Variants in CNTN4 observed in about 807,000 individuals in gnomAD.
CNTN4 encodes contactin-4.
A neutral mutation model predicts 122.5 loss-of-function variants in CNTN4; 77 were observed. The observed-to-expected ratio is 0.63, with a 90% CI of 0.52 to 0.76. The LOEUF (loss-of-function observed/expected upper bound fraction) is 0.76. CNTN4 is among the 30% of genes least tolerant of loss of function. The probability of loss-of-function intolerance (pLI) is 0.00; values close to 1 mark genes in which losing one functional copy is unlikely to be tolerated. For missense variants in CNTN4, 1,256 were observed against 1,259.1 expected, an observed-to-expected ratio of 1.00 and a Z score of 0.04; for synonymous variants, 512 against 447.0, an observed-to-expected ratio of 1.15 and a Z score of -1.83.
At chr3:2,598,217 C>T (rs969157212) in intron 4 of CNTN4, among the ~76,000 whole-genome samples, 2 of 152,054 alleles carry the variant, frequency 1.3e-5, no homozygotes, top group Admixed American at 6.6e-5. Flanking sequence ...GCTGTGGTAC[C>T]GAACAACCTC....
intron 14 of CNTN4, among the ~76,000 whole-genome samples, chr3:3,012,538 C>G (rs1697337174): frequency 6.6e-6 from 1 of 151,932 alleles, no homozygotes; most frequent in African/African-American, 2.4e-5. Context: ...CAACCTCTGT[C>G]TCCTGGGTTC....
At chr3:2,523,320 C>T (rs1357742851) in intron 3 of CNTN4, among the ~76,000 whole-genome samples, 3 of 149,422 alleles carry the variant, frequency 2.0e-5, no homozygotes, top group Non-Finnish European at 4.4e-5. Flanking sequence ...TTATGTTGCT[C>T]CTAGTGGTGA....
intron 4 of CNTN4, among the ~76,000 whole-genome samples, chr3:2,583,380 C>A (rs1168520651): frequency 6.6e-5 from 10 of 152,196 alleles, no homozygotes; most frequent in African/African-American, 2.4e-4. Flanking sequence ...CCCAAGTTCA[C>A]ATGGCTAAGT....
chr3:2,234,124 A>G (rs993153645), intron 2 of CNTN4, among the ~76,000 whole-genome samples: 1 of 152,142 alleles, frequency 6.6e-6, no homozygotes, highest in African/African-American at 2.4e-5. Context: ...ATATGCATTT[A>G]AGAAATTTTC....
chr3:2,940,164 A>G (rs773428428), intron 13 of CNTN4, among the ~76,000 whole-genome samples: 2 of 152,244 alleles, frequency 1.3e-5, no homozygotes, highest in South Asian at 2.1e-4. Flanking sequence ...AGGGCTGTGG[A>G]CAGACTCTTC....
At chr3:3,049,385 A>G (rs1418713100) in intron 23 of CNTN4, among the ~76,000 whole-genome samples, 1 of 152,194 alleles carries the variant, frequency 6.6e-6, no homozygotes, top group African/African-American at 2.4e-5. Flanking sequence ...GCCTGGCCTC[A>G]TCTTAACTGT....
chr3:2,110,961 T>C (rs1390132891), intron 2 of CNTN4, among the ~76,000 whole-genome samples: 1 of 152,224 alleles, frequency 6.6e-6, no homozygotes, highest in African/African-American at 2.4e-5. Context: ...GTGTGGAATG[T>C]TGGCTATCTT....
At chr3:2,394,947 C>T (rs1371686199) in intron 3 of CNTN4, among the ~76,000 whole-genome samples, 1 of 152,006 alleles carries the variant, frequency 6.6e-6, no homozygotes, top group Non-Finnish European at 1.5e-5. Flanking sequence ...CCACCACACC[C>T]AGCTAACTTT....
intron 3 of CNTN4, among the ~76,000 whole-genome samples, chr3:2,483,909 G>A (rs2076074582): frequency 6.6e-6 from 1 of 152,016 alleles, no homozygotes; most frequent in Non-Finnish European, 1.5e-5. Flanking sequence ...ATGATATTTT[G>A]GATATGACAT....
intron 4 of CNTN4, among the ~76,000 whole-genome samples, chr3:2,672,907 G>C (rs997043160): frequency 6.6e-6 from 1 of 152,194 alleles, no homozygotes; most frequent in Admixed American, 6.5e-5. Context: ...TCCTTGCCCA[G>C]TAGGAGCTTA....
intron 4 of CNTN4, among the ~76,000 whole-genome samples, chr3:2,573,078 C>T (rs954994721): frequency 2.6e-5 from 4 of 152,106 alleles, no homozygotes; most frequent in Non-Finnish European, 4.4e-5. Context: ...ATTCACAAAG[C>T]CAGTAAGTGG....
Position 2,345,843 on chromosome 3 carries a change from C to T in CNTN4, c.-89+6610C>T, listed in dbSNP as rs577989337. ...GGGCACCGAGCTTCTATAAATTTGA[C>T]GAATTAATCCTTTGACCATTATGGC... On this transcript the variant is annotated intron_variant, in intron 3 of 24. Transcript: ENST00000418658. Among the ~76,000 whole-genome samples the T allele has an allele frequency of 1.3e-4, 20 of 152,290 alleles. No individual in the cohort carries two copies. The South Asian group carries it at 2.1e-3, about 16-fold the overall frequency.
Position 3,042,330 on chromosome 3 carries a change from A to C in CNTN4, c.2419A>C (p.Ser807Arg). 1 of 1,614,138 alleles carries C rather than the reference A, an allele frequency of 6.2e-7. No homozygotes were observed. Among genetic ancestry groups the C allele is most frequent in the Non-Finnish European group, 8.5e-7 (1 of 1,179,964 alleles). ...AEEEPTKPPA[S>R]IFARSLSATD... The stretch of plus-strand genomic sequence containing the variant: ...TACAGAACCCACCAAACCACCAGCC[A>C]GTATCTTTGCCAGAAGTCTTTCTGC... Residue 807 changes from serine to arginine, a missense_variant, in exon 21 of 25, where the codon AGT becomes CGT. Transcript: ENST00000418658.
intron 2 of CNTN4, among the ~76,000 whole-genome samples, chr3:2,335,086 G>A (rs1404459011): frequency 2.6e-5 from 4 of 152,046 alleles, no homozygotes; most frequent in Non-Finnish European, 4.4e-5. Flanking sequence ...GTAAAATTGC[G>A]AGTACATTTA....
intron 7 of CNTN4, among the ~76,000 whole-genome samples, chr3:2,838,212 C>G (rs779313622): frequency 1.3e-5 from 2 of 152,076 alleles, no homozygotes; most frequent in African/African-American, 2.4e-5. Context: ...AGCTTTCGTG[C>G]GGCTATACTG....
chr3:2,752,224 A>G (rs191958965), intron 6 of CNTN4, among the ~76,000 whole-genome samples: 2 of 152,378 alleles, frequency 1.3e-5, no homozygotes, highest in Admixed American at 6.5e-5. Flanking sequence ...ATACTTCAAT[A>G]CCTGTATGCA....
chr3:2,573,950 C>G (rs1056569077), intron 4 of CNTN4, among the ~76,000 whole-genome samples: 12 of 152,172 alleles, frequency 7.9e-5, no homozygotes, highest in East Asian at 1.9e-4. Flanking sequence ...GGCATGGTGT[C>G]TCATGCCTGT....
chr3:2,165,323 TA>T (rs1174087198), intron 2 of CNTN4, among the ~76,000 whole-genome samples: 442 of 142,250 alleles, frequency 3.1e-3, no homozygotes, highest in Middle Eastern at 3.5e-3. Context: ...GACTGCATCT[TA>T]AAAAAAAAAA....
intron 3 of CNTN4, among the ~76,000 whole-genome samples, chr3:2,458,352 A>G (rs1368104263): frequency 2.6e-5 from 4 of 152,272 alleles, no homozygotes; most frequent in Admixed American, 6.5e-5. Context: ...CCTGACATAC[A>G]TATCTTTCTT....
Sources: gnomAD v4.1 joint callset for allele counts (sites outside exome capture counted in the v4.1 genomes callset) on GRCh38, gnomAD v4.1.1 for gene constraint, MANE v1.5 for transcripts, NCBI Gene and HGNC (gene_info 2026-07-23, HGNC 2026-07-21) for gene names.